The following DOCK5 variants were observed in gnomAD, a reference collection of about 807,000 sequenced individuals.
DOCK5 encodes the protein dedicator of cytokinesis protein 5.
In DOCK5, 142 loss-of-function variants were observed where a neutral mutation model predicts 251.8. That is an observed-to-expected ratio of 0.56 (90% CI 0.49 to 0.65). The LOEUF is 0.65. Ranked by LOEUF, DOCK5 falls within the 30% of genes least tolerant of loss-of-function variation. The pLI is 0.00. For missense variants in DOCK5, 2,111 were observed against 2,312.3 expected (o/e 0.91, Z 1.79); for synonymous variants, 842 against 835.5 (o/e 1.01, Z -0.13).
At chr8:25,319,528 AC>A in intron 14 of DOCK5, 49 bp from the exon 15 acceptor site, 1 of 1,388,538 alleles carries the variant, frequency 7.2e-7, no homozygotes, top group South Asian at 1.2e-5. Context: ...GGGTCCTCTT[AC>A]TTTTCTAAAC....
At chr8:25,363,484 C>A (rs6557837) in intron 29 of DOCK5, among the ~76,000 whole-genome samples, 1 of 152,054 alleles carries the variant, frequency 6.6e-6, no homozygotes, top group African/African-American at 2.4e-5. Context: ...GTTCTATGAC[C>A]GGTCCATGAT....
intron 1 of DOCK5, among the ~76,000 whole-genome samples, chr8:25,239,341 A>ATGTGTGTGTGTGTGTGTATGTGTGTGTG (rs1802885049): frequency 7.0e-6 from 1 of 142,204 alleles, no homozygotes; most frequent in African/African-American, 2.7e-5. Context: ...GTGTGTGTGT[A>ATGTGTGTGTGTGTGTGTATGTGTGTGTG]TGTGTGTGTG....
chr8:25,287,845 G>A (rs537904414), intron 5 of DOCK5, among the ~76,000 whole-genome samples: 2 of 152,066 alleles, frequency 1.3e-5, no homozygotes, highest in East Asian at 3.9e-4. Context: ...GAGAGCAACT[G>A]GAGAGAGAAA....
At chr8:25,375,459 C>T (rs1342895028) in intron 37 of DOCK5, 1 of 152,190 alleles carries the variant, frequency 6.6e-6, no homozygotes, top group Non-Finnish European at 1.4e-5. Context: ...AGGCTGGTCT[C>T]AAACTCCTGG....
chr8:25,193,110 G>A (rs1801627673), intron 1 of DOCK5, among the ~76,000 whole-genome samples: 2 of 152,102 alleles, frequency 1.3e-5, no homozygotes, highest in Admixed American at 6.6e-5. Flanking sequence ...TGGTAATTAT[G>A]TTCTATTTAG....
At chr8:25,330,105 T>C (rs1024862418) in intron 18 of DOCK5, among the ~76,000 whole-genome samples, 2 of 152,288 alleles carry the variant, frequency 1.3e-5, no homozygotes, top group Admixed American at 6.5e-5. Flanking sequence ...TAAATCCTTT[T>C]CCTCCAGCAG....
At position 25,359,014 on chromosome 8, in the gene DOCK5, C is replaced by T. The variant is rs1800628524; in HGVS notation, c.2902C>T (p.His968Tyr). 1 of 1,613,976 alleles carries T rather than the reference C, an allele frequency of 6.2e-7. No homozygotes were observed. The highest frequency in any genetic ancestry group is 8.5e-7 in the Non-Finnish European group (1 of 1,179,874). Residue 968 changes from histidine to tyrosine, a missense_variant, in exon 28 of 52, where the codon CAC becomes TAC. This residue lies in a region of DOCK5 where 1,717 missense variants were observed against 1,892.4 expected (regional missense o/e 0.91). Transcript: ENST00000276440. ...IALLQQMDDS[H>Y]YSHYISTFKT... ...CCTGCTGCAGCAAATGGACGACAGCCACTATAGCCACTACATCAGCACTTT... is the reference window on the plus strand; with the variant it reads ...CCTGCTGCAGCAAATGGACGACAGCTACTATAGCCACTACATCAGCACTTT...
rs144930957 is a variant in DOCK5, at chr8:25,229,451, A to G, written c.44-14223A>G. On this transcript the variant is annotated intron_variant, in intron 1 of 51. Transcript: ENST00000276440. ...AGCTGAGATCTTGCTACTGCACTCC[A>G]GCCTGGGCGACAAAGCTAGACTCTG... Among the ~76,000 whole-genome samples, 425 of 152,032 alleles carry G rather than the reference A, an allele frequency of 2.8e-3. 2 individuals are homozygous for G. Among genetic ancestry groups the G allele is most frequent in the African/African-American group, 9.8e-3 (405 of 41,528 alleles).
intron 2 of DOCK5, among the ~76,000 whole-genome samples, chr8:25,256,658 A>C (rs989124029): frequency 6.6e-6 from 1 of 151,848 alleles, no homozygotes; most frequent in Middle Eastern, 3.4e-3. Context: ...AAAAAAAAAA[A>C]AGAATCTGTT....
chr8:25,343,724 T>TA (rs1236930231), intron 25 of DOCK5, among the ~76,000 whole-genome samples: 2 of 152,208 alleles, frequency 1.3e-5, no homozygotes, highest in Non-Finnish European at 2.9e-5. Flanking sequence ...CGTTCAGTGA[T>TA]ATCACATTAG....
chr8:25,186,640 A>C (rs1337790741), intron 1 of DOCK5, among the ~76,000 whole-genome samples: 1 of 152,018 alleles, frequency 6.6e-6, no homozygotes, highest in Non-Finnish European at 1.5e-5. Context: ...CGGCCTCCCA[A>C]AGTGTTGGGA....
chr8:25,321,664 G>C (rs1233380587), intron 16 of DOCK5, among the ~76,000 whole-genome samples: 1 of 152,146 alleles, frequency 6.6e-6, no homozygotes, highest in African/African-American at 2.4e-5. Flanking sequence ...GAGCAGTGGG[G>C]AGCAGCTGTG....
At chr8:25,208,530 C>T (rs1271786864) in intron 1 of DOCK5, among the ~76,000 whole-genome samples, 1 of 152,204 alleles carries the variant, frequency 6.6e-6, no homozygotes, top group East Asian at 1.9e-4. Flanking sequence ...CAAAGCAAGA[C>T]CCTTCACCAG....
intron 37 of DOCK5, among the ~76,000 whole-genome samples, 187 bp from the exon 38 acceptor site, chr8:25,377,118 C>T (rs113425191): frequency 8.5e-5 from 13 of 152,196 alleles, no homozygotes; most frequent in African/African-American, 3.1e-4. Context: ...TGTGAGTGCT[C>T]CTTCATTTGG....
chr8:25,409,341 T>G, intron 50 of DOCK5: 1 of 202,678 alleles, frequency 4.9e-6, no homozygotes, highest in Non-Finnish European at 1.0e-5. Flanking sequence ...TTGAGAAGAA[T>G]TGCAAAGTAC....
At chr8:25,297,137 C>T (rs1804636792) in intron 7 of DOCK5, among the ~76,000 whole-genome samples, 1 of 152,000 alleles carries the variant, frequency 6.6e-6, no homozygotes, top group Non-Finnish European at 1.5e-5. Flanking sequence ...CTCTGTTGCC[C>T]AGGCTGGAGT....
At chr8:25,316,794 A>G (rs1805263521) in intron 13 of DOCK5, among the ~76,000 whole-genome samples, 1 of 152,236 alleles carries the variant, frequency 6.6e-6, no homozygotes, top group Non-Finnish European at 1.5e-5. Context: ...AATTTTCTGT[A>G]AAACTACAGT....
chr8:25,389,138 C>A lies in DOCK5; in HGVS notation c.4179C>A (p.Asp1393Glu). 4.3e-6 allele frequency: 7 copies of A among 1,613,988 alleles called. No homozygotes were observed. The highest frequency in any genetic ancestry group is 5.9e-6 in the Non-Finnish European group (7 of 1,179,888). ...GAAAGGAGTATGAGAGGCGAGAGGACTTCAGCCTGAGGTTGTTAACCCAGT... is the reference window on the plus strand; with the variant it reads ...GAAAGGAGTATGAGAGGCGAGAGGAATTCAGCCTGAGGTTGTTAACCCAGT... The part of the protein sequence containing the change: ...YRGKEYERRE[D>E]FSLRLLTQFP... The change falls in exon 41 of 52, where the codon GAC becomes GAA. Residue 1393 changes from aspartate to glutamate, a missense_variant. Asp to Glu is a conservative substitution (Grantham distance 45). Coordinates refer to ENST00000276440, the MANE Select transcript of DOCK5 (RefSeq NM_024940.8).
intron 2 of DOCK5, among the ~76,000 whole-genome samples, chr8:25,245,050 C>T (rs1803062894): frequency 6.6e-6 from 1 of 152,140 alleles, no homozygotes; most frequent in African/African-American, 2.4e-5. Flanking sequence ...CTCTTCCAAT[C>T]TTTTTATTTA....
Sources: allele counts gnomAD v4.1 joint callset (sites outside exome capture counted in the v4.1 genomes callset), GRCh38; gene constraint gnomAD v4.1.1; regional missense constraint gnomAD v4.1.1; transcripts MANE v1.5; gene names NCBI Gene and HGNC (gene_info 2026-07-23, HGNC 2026-07-21).